Variants in CERS6 observed in about 807,000 individuals in gnomAD.
The protein encoded by CERS6 is LAG1 homolog, ceramide synthase 6.
In CERS6, 26 loss-of-function variants were observed where a neutral mutation model predicts 56.8. The ratio of observed to expected loss-of-function variants is 0.46; its 90% CI spans 0.34 to 0.63. CERS6 has a LOEUF of 0.63. Ranked by LOEUF, CERS6 falls within the 30% of genes least tolerant of loss-of-function variation. The probability of loss-of-function intolerance (pLI) is 0.01; values close to 1 mark genes in which losing one functional copy is unlikely to be tolerated. For synonymous variants in CERS6, 164 were observed against 173.3 expected (o/e 0.95, Z 0.42); for missense variants, 415 against 467.5 (o/e 0.89, Z 1.04).
chr2:168,502,418 A>C, intron 1 of CERS6, among the ~76,000 whole-genome samples: 1 of 152,166 alleles, frequency 6.6e-6, no homozygotes, highest in Non-Finnish European at 1.5e-5. Context: ...TAGAGGGTCA[A>C]GTATCCATAA....
At chr2:168,541,898 C>T (rs1018054200) in intron 1 of CERS6, among the ~76,000 whole-genome samples, 4 of 152,118 alleles carry the variant, frequency 2.6e-5, no homozygotes, top group African/African-American at 7.2e-5. Context: ...CTCTGATTTC[C>T]CCAGGCTTTT....
intron 4 of CERS6, among the ~76,000 whole-genome samples, chr2:168,675,011 G>C (rs767177727): frequency 1.3e-5 from 2 of 151,558 alleles, no homozygotes; most frequent in Non-Finnish European, 2.9e-5. Context: ...GAGTCTTGCT[G>C]TGTCGCCAGG....
intron 4 of CERS6, among the ~76,000 whole-genome samples, chr2:168,669,368 A>G (rs542851502): frequency 1.3e-5 from 2 of 152,252 alleles, no homozygotes; most frequent in Admixed American, 1.3e-4. Flanking sequence ...CACCATTTTC[A>G]CTTCATAGAC....
intron 3 of CERS6, among the ~76,000 whole-genome samples, chr2:168,603,652 G>A (rs1263541824): frequency 2.0e-5 from 3 of 152,314 alleles, no homozygotes; most frequent in African/African-American, 7.2e-5. Context: ...GTGTAGCTCA[G>A]CCTCCTGGAA....
chr2:168,572,635 A>G (rs1247259583), intron 3 of CERS6, among the ~76,000 whole-genome samples: 3 of 152,138 alleles, frequency 2.0e-5, no homozygotes, highest in East Asian at 1.9e-4. Context: ...TTTGCTCATG[A>G]CAGCCTCCTT....
chr2:168,674,604 A>G (rs895023026), intron 4 of CERS6, among the ~76,000 whole-genome samples: 1 of 152,228 alleles, frequency 6.6e-6, no homozygotes, highest in South Asian at 2.1e-4. Context: ...AGTTCTTGCC[A>G]TATGTACCTT....
At chr2:168,591,982 C>T (rs1683681590) in intron 3 of CERS6, among the ~76,000 whole-genome samples, 1 of 152,118 alleles carries the variant, frequency 6.6e-6, no homozygotes, top group South Asian at 2.1e-4. Context: ...CATAATTGGG[C>T]CTCAGGGTGC....
chr2:168,752,660 C>A (rs1181869911), intron 8 of CERS6, among the ~76,000 whole-genome samples: 2 of 152,106 alleles, frequency 1.3e-5, no homozygotes, highest in Non-Finnish European at 2.9e-5. Flanking sequence ...GCTTGCTAAG[C>A]GATCTCCGTA....
At chr2:168,468,066 T>G (rs1574002186) in intron 1 of CERS6, among the ~76,000 whole-genome samples, 2 of 152,180 alleles carry the variant, frequency 1.3e-5, no homozygotes, top group African/African-American at 4.8e-5. Flanking sequence ...AAGCCTTTTC[T>G]TCTCAACAGT....
At chr2:168,744,282 A>G (rs1052369293) in intron 8 of CERS6, among the ~76,000 whole-genome samples, 1 of 151,960 alleles carries the variant, frequency 6.6e-6, no homozygotes, top group Non-Finnish European at 1.5e-5. Flanking sequence ...TGGGATTTAC[A>G]GGTGTGAGCC....
intron 1 of CERS6, among the ~76,000 whole-genome samples, chr2:168,494,532 C>A (rs1694429421): frequency 6.6e-6 from 1 of 152,130 alleles, no homozygotes; most frequent in South Asian, 2.1e-4. Flanking sequence ...ATAACAGTTT[C>A]TCAATATCTT....
intron 6 of CERS6, among the ~76,000 whole-genome samples, chr2:168,710,577 A>G (rs114257619): frequency 1.8e-4 from 27 of 152,314 alleles, no homozygotes; most frequent in African/African-American, 6.3e-4. Flanking sequence ...AGTAGTTATT[A>G]TCTGGTAGAA....
chr2:168,514,578 A>G (rs575081640), intron 1 of CERS6, among the ~76,000 whole-genome samples: 57 of 152,292 alleles, frequency 3.7e-4, no homozygotes, highest in African/African-American at 1.3e-3. Context: ...AGGTTTACTT[A>G]TTAGCAAGAG....
At chr2:168,595,019 G>A (rs1248473717) in intron 3 of CERS6, among the ~76,000 whole-genome samples, 1 of 152,176 alleles carries the variant, frequency 6.6e-6, no homozygotes, top group Admixed American at 6.5e-5. Flanking sequence ...AGGGCTGTGA[G>A]GATGCAGGTG....
chr2:168,510,895 C>T (rs1369801639), intron 1 of CERS6, among the ~76,000 whole-genome samples: 3 of 151,924 alleles, frequency 2.0e-5, no homozygotes, highest in African/African-American at 4.8e-5. Flanking sequence ...CTTACAATAA[C>T]CTTAGATGAG....
In CERS6 at chr2:168,657,764, G is replaced by T. The variant is rs1453325101; in HGVS notation, c.465+26722G>T. 2.6e-5 allele frequency among the ~76,000 whole-genome samples: 4 copies of T among 152,232 alleles called. No individual in the cohort carries two copies. In the East Asian group the frequency reaches 5.8e-4, roughly 22 times the overall value. On this transcript the variant is annotated intron_variant, in intron 4 of 9. Coordinates refer to ENST00000305747, the MANE Select transcript of CERS6 (RefSeq NM_203463.3). Reference sequence around the variant, plus strand: ...GGCCCACCAAGCCCACGCCCACCCGGAACTCCAGCTGGCCCGCAAGCGCCG... The same window carrying T: ...GGCCCACCAAGCCCACGCCCACCCGTAACTCCAGCTGGCCCGCAAGCGCCG...
chr2:168,667,444 C>T (rs894998488), intron 4 of CERS6, among the ~76,000 whole-genome samples: 2 of 152,196 alleles, frequency 1.3e-5, no homozygotes, highest in South Asian at 2.1e-4. Flanking sequence ...CCTGCCTTTA[C>T]CAAATGTGAG....
At chr2:168,755,737 G>C (rs1684398046) in intron 8 of CERS6, among the ~76,000 whole-genome samples, 1 of 152,206 alleles carries the variant, frequency 6.6e-6, no homozygotes, top group Non-Finnish European at 1.5e-5. Context: ...CTGTAAACAG[G>C]CTCCTTCTGC....
intron 3 of CERS6, among the ~76,000 whole-genome samples, chr2:168,569,699 A>G (rs1216927740): frequency 1.3e-5 from 2 of 152,196 alleles, no homozygotes. Flanking sequence ...CAAGCCTGGT[A>G]GCAGGACCAG....
Sources: gnomAD v4.1 joint callset for allele counts (sites outside exome capture counted in the v4.1 genomes callset) on GRCh38, gnomAD v4.1.1 for gene constraint, MANE v1.5 for transcripts, NCBI Gene and HGNC (gene_info 2026-07-23, HGNC 2026-07-21) for gene names.